RTN3: variants seen among roughly 807,000 people sequenced by gnomAD.
The protein encoded by RTN3 is reticulon 3.
RTN3 carries 49 observed loss-of-function variants against 77.8 expected under a neutral mutation model. The observed-to-expected ratio is 0.63, with a 90% CI of 0.50 to 0.80. The LOEUF (loss-of-function observed/expected upper bound fraction) is 0.80, where lower values mean the gene tolerates loss of function less well. Ranked by LOEUF, RTN3 falls within the 30% of genes least tolerant of loss-of-function variation. The pLI is 0.00. For synonymous variants in RTN3, 464 were observed against 446.9 expected, an observed-to-expected ratio of 1.04 and a Z score of -0.48; for missense variants, 1,236 against 1,211.9, an observed-to-expected ratio of 1.02 and a Z score of -0.29.
Position 63,712,703 on chromosome 11 carries a change from T to C in RTN3, c.200-5999T>C, listed in dbSNP as rs575185399. On this transcript the variant is annotated intron_variant, in intron 2 of 8. Transcript: ENST00000377819. The stretch of plus-strand genomic sequence containing the variant: ...GGGTTCTCCATGTTGATCCGGCTGG[T>C]CTTGAACTCCTGACCTCGTGATCAG... Among the ~76,000 whole-genome samples, 363 of 152,146 alleles carry C rather than the reference T, an allele frequency of 2.4e-3. 4 individuals carry two copies. Among genetic ancestry groups the C allele is most frequent in the African/African-American group, 7.6e-3 (314 of 41,534 alleles).
At chr11:63,756,481 C>A (rs1009146191) in intron 8 of RTN3, among the ~76,000 whole-genome samples, 1 of 152,026 alleles carries the variant, frequency 6.6e-6, no homozygotes, top group Non-Finnish European at 1.5e-5. Flanking sequence ...CAAGACCAGC[C>A]TGGGCAACAT....
At chr11:63,740,240 AATAG>A (rs1483380646) in intron 3 of RTN3, among the ~76,000 whole-genome samples, 1 of 152,054 alleles carries the variant, frequency 6.6e-6, no homozygotes, top group Non-Finnish European at 1.5e-5. Context: ...TGATACATAA[AATAG>A]ATTTGGTTAA....
chr11:63,750,766 C>G (rs2014060080), intron 4 of RTN3, among the ~76,000 whole-genome samples: 2 of 149,140 alleles, frequency 1.3e-5, no homozygotes, highest in African/African-American at 5.0e-5. Flanking sequence ...GAGTCTCACT[C>G]TGTCGCCCAG....
chr11:63,758,168 A>T lies in RTN3; in HGVS notation c.3066A>T (p.Lys1022Asn). The T allele has an allele frequency of 1.9e-6, 3 of 1,605,030 alleles. No individual in the cohort carries two copies. The highest frequency in any genetic ancestry group is 2.5e-6 in the Non-Finnish European group (3 of 1,176,778). Reference sequence around the variant, plus strand: ...CTTTTCTCAATAGGATCCAAGCAAAACTCCCTGGAATCGCCAAAAAAAAGG... The same window carrying T: ...CTTTTCTCAATAGGATCCAAGCAAATCTCCCTGGAATCGCCAAAAAAAAGG... The part of the protein sequence containing the change: ...TKSIVEKIQA[K>N]LPGIAKKKAE The change falls in exon 9 of 9, where the codon AAA becomes AAT. Residue 1022 changes from lysine to asparagine, a missense_variant. Physicochemically the swap from Lys to Asn is moderately conservative, Grantham distance 94. Coordinates refer to ENST00000377819, the MANE Select transcript of RTN3 (RefSeq NM_001265589.2).
chr11:63,721,516 A>G (rs955766106), intron 3 of RTN3, among the ~76,000 whole-genome samples: 1 of 150,644 alleles, frequency 6.6e-6, no homozygotes, highest in Non-Finnish European at 1.5e-5. Context: ...CAGAGCTTGC[A>G]GTGAGATGAG....
intron 1 of RTN3, among the ~76,000 whole-genome samples, chr11:63,686,568 T>C (rs1357189744): frequency 2.6e-5 from 4 of 151,982 alleles, no homozygotes; most frequent in Non-Finnish European, 5.9e-5. Flanking sequence ...CTCACACCTG[T>C]AATCCCAGCA....
chr11:63,744,239 T>TC (rs2013662772), intron 3 of RTN3, among the ~76,000 whole-genome samples: 2 of 912 alleles, frequency 2.2e-3, no homozygotes, highest in African/African-American at 2.7e-3. Context: ...AGACTCTGTC[T>TC]CAAAAAAAAA....
chr11:63,689,956 C>G (rs781350871), intron 1 of RTN3, among the ~76,000 whole-genome samples: 4 of 151,986 alleles, frequency 2.6e-5, no homozygotes, highest in Non-Finnish European at 5.9e-5. Flanking sequence ...TGGGGTTTCA[C>G]CATGTTGGTC....
chr11:63,714,063 G>C, intron 2 of RTN3: 1 of 517,214 alleles, frequency 1.9e-6, no homozygotes, highest in Non-Finnish European at 3.9e-6. Context: ...AGGCTTATTA[G>C]TTTTTGGTCT....
chr11:63,707,557 T>C (rs1200565631), intron 2 of RTN3, among the ~76,000 whole-genome samples: 6 of 152,020 alleles, frequency 3.9e-5, no homozygotes. Context: ...TATCCGACTG[T>C]GCGCGGTGGC....
intron 1 of RTN3, among the ~76,000 whole-genome samples, chr11:63,692,086 G>T (rs952901971): frequency 1.6e-4 from 25 of 152,000 alleles, no homozygotes; most frequent in African/African-American, 6.0e-4. Flanking sequence ...GCAGTGGCGC[G>T]ATCTTGGCTC....
chr11:63,692,808 CT>C (rs1185036087), intron 1 of RTN3, among the ~76,000 whole-genome samples: 1 of 151,762 alleles, frequency 6.6e-6, no homozygotes, highest in Non-Finnish European at 1.5e-5. Context: ...TTATAGACCA[CT>C]TTGGTTTTCT....
intron 8 of RTN3, among the ~76,000 whole-genome samples, chr11:63,757,184 T>C (rs2135071806): frequency 6.6e-6 from 1 of 152,382 alleles, no homozygotes; most frequent in African/African-American, 2.4e-5. Flanking sequence ...TTTTCTAAGA[T>C]TGCCAAATCT....
chr11:63,726,706 C>A (rs545733589), intron 3 of RTN3, among the ~76,000 whole-genome samples: 5 of 151,540 alleles, frequency 3.3e-5, no homozygotes, highest in African/African-American at 1.2e-4. Flanking sequence ...ACTAAAAATA[C>A]AAAAATTAGC....
At chr11:63,686,763 A>C (rs1941397295) in intron 1 of RTN3, among the ~76,000 whole-genome samples, 1 of 151,872 alleles carries the variant, frequency 6.6e-6, no homozygotes, top group Admixed American at 6.6e-5. Context: ...AGCTGGGGGC[A>C]GAGGTTGCAG....
At chr11:63,704,020 T>G (rs1942376530) in intron 1 of RTN3, among the ~76,000 whole-genome samples, 2 of 151,924 alleles carry the variant, frequency 1.3e-5, no homozygotes, top group African/African-American at 4.8e-5. Flanking sequence ...ATTTTTTTTT[T>G]GAGAAGGAGT....
chr11:63,689,560 G>A (rs1474782503), intron 1 of RTN3, among the ~76,000 whole-genome samples: 2 of 151,544 alleles, frequency 1.3e-5, no homozygotes, highest in Non-Finnish European at 2.9e-5. Context: ...TCCATTTTAC[G>A]TATGGGAGAA....
intron 7 of RTN3, among the ~76,000 whole-genome samples, chr11:63,755,131 G>A (rs1166006459): frequency 6.6e-6 from 1 of 151,554 alleles, no homozygotes; most frequent in Non-Finnish European, 1.5e-5. Context: ...TTGGTATTAA[G>A]TGAATTAGTG....
chr11:63,684,772 A>T (rs1217656743), intron 1 of RTN3, among the ~76,000 whole-genome samples: 2 of 151,894 alleles, frequency 1.3e-5, no homozygotes, highest in African/African-American at 4.8e-5. Context: ...AACTAAAGAG[A>T]AACTCTTTTT....
Sources: gnomAD v4.1 joint callset for allele counts (sites outside exome capture counted in the v4.1 genomes callset) on GRCh38, gnomAD v4.1.1 for gene constraint, MANE v1.5 for transcripts, NCBI Gene and HGNC (gene_info 2026-07-23, HGNC 2026-07-21) for gene names.